Variants in FAM47E observed in about 807,000 individuals in gnomAD.
The protein encoded by FAM47E is protein FAM47E.
FAM47E carries 32 observed loss-of-function variants against 41.6 expected under a neutral mutation model. That is an observed-to-expected ratio of 0.77 (90% CI 0.58 to 1.03). The LOEUF (loss-of-function observed/expected upper bound fraction) is 1.03, where lower values mean the gene tolerates loss of function less well. Ranked by LOEUF, FAM47E falls within the 50% of genes least tolerant of loss-of-function variation. FAM47E has a pLI of 0.00. For synonymous variants in FAM47E, 184 were observed against 188.7 expected, an observed-to-expected ratio of 0.98 and a Z score of 0.20; for missense variants, 424 against 485.4, an observed-to-expected ratio of 0.87 and a Z score of 1.19.
At chr4:76,251,099 G>C (rs1029781289), upstream of FAM47E, among the ~76,000 whole-genome samples, 5 of 151,996 alleles carry the variant, frequency 3.3e-5, no homozygotes, top group Non-Finnish European at 5.9e-5. Context: ...TAGTAAAAAC[G>C]AAACACACCC....
chr4:76,255,198 G>A (rs1416886674), intron 1 of FAM47E, among the ~76,000 whole-genome samples: 2 of 152,130 alleles, frequency 1.3e-5, no homozygotes, highest in Non-Finnish European at 2.9e-5. Flanking sequence ...TTCTGGAGCT[G>A]CCTACCTGGG....
chr4:76,252,723 C>G (rs576311859), intron 1 of FAM47E, among the ~76,000 whole-genome samples: 5 of 152,266 alleles, frequency 3.3e-5, no homozygotes, highest in Middle Eastern at 3.4e-3. Flanking sequence ...TTCTCCCCCC[C>G]ATTTAAAAAT....
At chr4:76,215,156 C>T (rs1733178092) in intron 1 of FAM47E, among the ~76,000 whole-genome samples, 1 of 152,238 alleles carries the variant, frequency 6.6e-6, no homozygotes, top group African/African-American at 2.4e-5. Flanking sequence ...GTATGGATTT[C>T]AGCAGAGCTC....
intron 2 of FAM47E, among the ~76,000 whole-genome samples, chr4:76,237,213 G>T (rs1203259352): frequency 6.6e-6 from 1 of 151,892 alleles, no homozygotes; most frequent in Non-Finnish European, 1.5e-5. Flanking sequence ...TTTCTTATCA[G>T]ATTTAAAGTC....
At chr4:76,258,117 G>T (rs1734264045) in intron 2 of FAM47E, among the ~76,000 whole-genome samples, 1 of 152,136 alleles carries the variant, frequency 6.6e-6, no homozygotes, top group Admixed American at 6.5e-5. Context: ...TGGGATTGTG[G>T]CGCTTATTTC....
chr4:76,244,347 C>T (rs1733775695), intron 2 of FAM47E, among the ~76,000 whole-genome samples: 1 of 152,036 alleles, frequency 6.6e-6, no homozygotes, highest in Non-Finnish European at 1.5e-5. Flanking sequence ...AACTAATTTA[C>T]ACTCCCACCA....
chr4:76,274,532 G>C (rs1359725877), intron 5 of FAM47E, among the ~76,000 whole-genome samples: 1 of 152,184 alleles, frequency 6.6e-6, no homozygotes, highest in Non-Finnish European at 1.5e-5. Flanking sequence ...AGTGAGCTAT[G>C]ATTGTGCCAC....
upstream of FAM47E, among the ~76,000 whole-genome samples, chr4:76,249,554 C>A (rs1481781272): frequency 6.6e-6 from 1 of 151,832 alleles, no homozygotes; most frequent in African/African-American, 2.4e-5. Flanking sequence ...TTCTGGGCAT[C>A]CGTTATTTGT....
chr4:76,280,424 CA>C (rs1227543009), intron 7 of FAM47E, 83 bp downstream of exon 7: 2 of 761,804 alleles, frequency 2.6e-6, no homozygotes, highest in East Asian at 5.5e-5. Flanking sequence ...ATGACCCTGA[CA>C]AACCCAAATA....
At chr4:76,272,624 CA>C (rs1215131875) in intron 5 of FAM47E, among the ~76,000 whole-genome samples, 3 of 152,124 alleles carry the variant, frequency 2.0e-5, no homozygotes, top group African/African-American at 7.2e-5. Flanking sequence ...TCATGAATAT[CA>C]GCACTTTTAT....
intron 7 of FAM47E, 89 bp downstream of exon 7, chr4:76,280,430 C>A: frequency 1.4e-6 from 1 of 708,386 alleles, no homozygotes; most frequent in Non-Finnish European, 2.4e-6. Context: ...CTGACAAACC[C>A]AAATAGTTCT....
At chr4:76,231,639 C>T (rs535314946) in intron 2 of FAM47E, among the ~76,000 whole-genome samples, 136 of 152,308 alleles carry the variant, frequency 8.9e-4, no homozygotes, top group African/African-American at 3.2e-3. Flanking sequence ...TTATTATTTC[C>T]GCAAAGGCCT....
intron 1 of FAM47E, among the ~76,000 whole-genome samples, chr4:76,215,128 C>T (rs1016878760): frequency 1.6e-4 from 24 of 152,194 alleles, no homozygotes; most frequent in African/African-American, 5.8e-4. Flanking sequence ...TTGCAGCAAC[C>T]TAGGGATAAA....
At chr4:76,253,138 T>C (rs900611563) in intron 1 of FAM47E, among the ~76,000 whole-genome samples, 1 of 152,236 alleles carries the variant, frequency 6.6e-6, no homozygotes, top group African/African-American at 2.4e-5. Context: ...TGTAACTGTT[T>C]GAGACTGGCT....
Position 76,263,688 on chromosome 4 carries a change from T to C in FAM47E, c.421-16T>C. 6.5e-7 allele frequency: 1 copy of C among 1,548,462 alleles called. No homozygotes were observed. Among genetic ancestry groups the C allele is most frequent in the Non-Finnish European group, 8.7e-7 (1 of 1,145,814 alleles). Reference sequence around the variant, plus strand: ...GCATGTTTTTCTTTTCCTCTAAGACTATTTTCTGTTTGTAGCTCTTATCAA... The same window carrying C: ...GCATGTTTTTCTTTTCCTCTAAGACCATTTTCTGTTTGTAGCTCTTATCAA... On this transcript the variant is annotated splice_polypyrimidine_tract_variant and intron_variant, in intron 2 of 7. Coordinates refer to ENST00000424749, the MANE Select transcript of FAM47E (RefSeq NM_001136570.3).
At chr4:76,252,368 A>G (rs1392792952) in intron 1 of FAM47E, among the ~76,000 whole-genome samples, 1 of 152,136 alleles carries the variant, frequency 6.6e-6, no homozygotes, top group Non-Finnish European at 1.5e-5. Flanking sequence ...TTTTGCCTTT[A>G]CCGACTCCTT....
intron 2 of FAM47E, among the ~76,000 whole-genome samples, chr4:76,256,759 A>G (rs992537507): frequency 6.6e-6 from 1 of 152,126 alleles, no homozygotes; most frequent in African/African-American, 2.4e-5. Flanking sequence ...AAGCCCTTCA[A>G]TTTACAAAGA....
chr4:76,224,043 G>A (rs1733352868), intron 2 of FAM47E, among the ~76,000 whole-genome samples: 4 of 152,152 alleles, frequency 2.6e-5, no homozygotes, highest in Admixed American at 2.6e-4. Context: ...AAACACAGAA[G>A]GGAAAGACAA....
At chr4:76,214,085 G>A in exon 1 of FAM47E, 1 of 351,490 alleles carries the variant, frequency 2.8e-6, no homozygotes, top group East Asian at 1.0e-4. Context: ...CGAAATTGCC[G>A]AACCTGGTTC....
Sources: gnomAD v4.1 joint callset for allele counts (sites outside exome capture counted in the v4.1 genomes callset) on GRCh38, gnomAD v4.1.1 for gene constraint, MANE v1.5 for transcripts, NCBI Gene and HGNC (gene_info 2026-07-23, HGNC 2026-07-21) for gene names.